Variants in RBM5 observed in about 807,000 individuals in gnomAD.
RBM5 encodes the protein RNA binding motif protein 5.
Under a neutral mutation model 124.6 loss-of-function variants are expected in RBM5, and 15 were observed. That is an observed-to-expected ratio of 0.12 (90% CI 0.08 to 0.19). RBM5 has a LOEUF of 0.19. RBM5 is among the 10% of genes least tolerant of loss of function. RBM5 has a pLI of 1.00. For synonymous variants in RBM5, 337 were observed against 361.2 expected, an observed-to-expected ratio of 0.93 and a Z score of 0.76; for missense variants, 580 against 1,026.5, an observed-to-expected ratio of 0.57 and a Z score of 5.94.
rs372469478 is a variant in RBM5, at chr3:50,100,732, A to G, written c.483+127A>G. 1.5e-6 allele frequency: 1 copy of G among 661,124 alleles called. No homozygotes were observed. 41.0% of individuals were successfully genotyped at this position (661,124 alleles called of 1,614,324 possible). ...TTTTTAAAAAAAAAGCTTTGTATAT[A>G]TTAAAATTGATGTTACTAGAATAAG... On this transcript the variant is annotated intron_variant, in intron 6 of 24. Transcript: ENST00000347869. The surrounding 1 kb of genome is among the most constrained non-coding windows in gnomAD (Gnocchi z 5.1).
chr3:50,096,709 G>A (rs1373564687), intron 4 of RBM5, among the ~76,000 whole-genome samples: 6 of 151,524 alleles, frequency 4.0e-5, no homozygotes, highest in Non-Finnish European at 8.8e-5. Context: ...ACCAGCCTCA[G>A]CCTCCCAAGT....
chr3:50,103,715 C>A (rs763343470), intron 7 of RBM5, among the ~76,000 whole-genome samples: 1 of 152,184 alleles, frequency 6.6e-6, no homozygotes, highest in Non-Finnish European at 1.5e-5. Context: ...AGGTGTGTTT[C>A]ATGTTACTGT....
In RBM5 at chr3:50,092,187, C is replaced by T. The variant is rs775270918; in HGVS notation, c.162C>T (p.Tyr54=). ...DDRRGDRYDD[Y]RDYDSPERER... is the part of the protein sequence containing the mutation. ...GGAGGGGTGATAGATATGATGACTA[C>T]CGAGACTATGACAGTCCAGAGGTGA... is the stretch of plus-strand genomic sequence containing the variant. Residue 54 remains tyrosine (Y), a synonymous_variant, in exon 3 of 25, where the codon TAC becomes TAT. Transcript: ENST00000347869. 1.2e-6 allele frequency: 2 copies of T among 1,613,378 alleles called. No homozygotes were observed. Among genetic ancestry groups the T allele is most frequent in the Non-Finnish European group, 1.7e-6 (2 of 1,179,982 alleles).
chr3:50,108,854 T>C (rs921058862), intron 14 of RBM5, among the ~76,000 whole-genome samples: 1 of 152,204 alleles, frequency 6.6e-6, no homozygotes, highest in Non-Finnish European at 1.5e-5. Flanking sequence ...TTCTTGGAAT[T>C]CAACTCTGTA....
At chr3:50,115,770 A>G (rs2091238505) in intron 21 of RBM5, 136 bp from the exon 22 acceptor site, 3 of 1,182,556 alleles carry the variant, frequency 2.5e-6, no homozygotes, top group African/African-American at 1.5e-5. Flanking sequence ...CTCCACACAC[A>G]TCAAACTATA....
Position 50,105,763 on chromosome 3 carries a change from A to G in RBM5, c.855+54A>G. The G allele has an allele frequency of 1.9e-6, 3 of 1,578,672 alleles. No individual in the cohort carries two copies. The South Asian group carries it at 3.4e-5, about 18-fold the overall frequency. ...TAAAAGAAACAGCTTTAAGAGGCAA[A>G]TGTGGTTCATCCAGTTTTGAAACTG... On this transcript the variant is annotated intron_variant, in intron 10 of 24. Transcript: ENST00000347869.
At chr3:50,105,843 G>A in intron 10 of RBM5, 134 bp downstream of exon 10, 1 of 929,778 alleles carries the variant, frequency 1.1e-6, no homozygotes, top group Non-Finnish European at 1.6e-6. Flanking sequence ...TTTTTGCACT[G>A]CTAAATTACA....
intron 14 of RBM5, among the ~76,000 whole-genome samples, 198 bp from the exon 15 acceptor site, chr3:50,109,405 C>T (rs1191991822): frequency 2.0e-5 from 3 of 152,106 alleles, no homozygotes; most frequent in African/African-American, 4.8e-5. Context: ...ATACAGAATC[C>T]TTAACTTTGT....
At chr3:50,102,835 A>C in intron 6 of RBM5, 1 of 465,736 alleles carries the variant, frequency 2.1e-6, no homozygotes, top group South Asian at 2.5e-5. Flanking sequence ...GGCCTGGTGC[A>C]AGTCAGCGTT....
At chr3:50,110,872 C>A (rs2301166) in intron 17 of RBM5, 102 bp downstream of exon 17, 9 of 906,320 alleles carry the variant, frequency 9.9e-6, no homozygotes, top group East Asian at 8.4e-5. Context: ...ATATATGACT[C>A]AGATTAGTTT....
At chr3:50,105,493 T>A in intron 9 of RBM5, 56 bp from the exon 10 acceptor site, 2 of 1,566,094 alleles carry the variant, frequency 1.3e-6, no homozygotes, top group Non-Finnish European at 1.7e-6. Context: ...TTGGAAAACT[T>A]TGGTACATTG....
At chr3:50,098,947 T>C (rs1411726359) in intron 4 of RBM5, among the ~76,000 whole-genome samples, 6 of 152,106 alleles carry the variant, frequency 3.9e-5, no homozygotes, top group Non-Finnish European at 7.4e-5. Flanking sequence ...CAAGCAAGGA[T>C]GTGTATCATA....
chr3:50,104,358 G>T, intron 8 of RBM5, 50 bp downstream of exon 8: 1 of 1,567,764 alleles, frequency 6.4e-7, no homozygotes, highest in Non-Finnish European at 8.8e-7. Context: ...CTACTAACTG[G>T]GGCAGGGAGC....
intron 2 of RBM5, 187 bp from the exon 3 acceptor site, chr3:50,091,856 C>T: frequency 6.1e-6 from 4 of 656,602 alleles, no homozygotes; most frequent in Middle Eastern, 3.9e-4. Flanking sequence ...ATTATCATTA[C>T]ATTTAGGGAT....
At chr3:50,110,274 CAG>C (rs2091119093) in intron 15 of RBM5, 103 bp from the exon 16 acceptor site, 8 of 914,762 alleles carry the variant, frequency 8.7e-6, no homozygotes, top group Non-Finnish European at 1.4e-5. Context: ...ATTATTGCTA[CAG>C]TGTGTCTGTC....
intron 2 of RBM5, among the ~76,000 whole-genome samples, chr3:50,091,232 C>T (rs1261808676): frequency 6.6e-6 from 1 of 152,122 alleles, no homozygotes; most frequent in Non-Finnish European, 1.5e-5. Flanking sequence ...TAACATTTAC[C>T]CCTTTGGGGT....
chr3:50,097,393 C>CAAA (rs35592964), intron 4 of RBM5, among the ~76,000 whole-genome samples: 37 of 114,116 alleles, frequency 3.2e-4, no homozygotes, highest in African/African-American at 5.6e-4. Context: ...AAGACTGTCT[C>CAAA]AAAAAAAAAA....
In RBM5 at chr3:50,113,232, C is replaced by T. The variant is rs572501739; in HGVS notation, c.1456-151C>T. Reference sequence around the variant, plus strand: ...CACCTCTTTGCTAGGTGGTTCATCACCTTTACTTATACCAAGGTGTGCCCA... The same window carrying T: ...CACCTCTTTGCTAGGTGGTTCATCATCTTTACTTATACCAAGGTGTGCCCA... On this transcript the variant is annotated intron_variant, in intron 17 of 24. Transcript: ENST00000347869. 103 of 675,030 alleles carry T rather than the reference C, an allele frequency of 1.5e-4. 1 individual carries two copies. The South Asian group carries it at 2.1e-3, about 14-fold the overall frequency. The allele number at this position is 675,030 out of a possible 1,614,324, so 41.8% of individuals were successfully genotyped here.
chr3:50,106,129 T>A (rs2091025200), intron 10 of RBM5, among the ~76,000 whole-genome samples: 1 of 102,848 alleles, frequency 9.7e-6, no homozygotes, highest in Admixed American at 9.4e-5. Flanking sequence ...TTTTTTTTTT[T>A]TTTTTTTTTT....
Sources: gnomAD v4.1 joint callset for allele counts (sites outside exome capture counted in the v4.1 genomes callset) on GRCh38, gnomAD v4.1.1 for gene constraint, Gnocchi (gnomAD v3.1) non-coding constraint, MANE v1.5 for transcripts, NCBI Gene and HGNC (gene_info 2026-07-23, HGNC 2026-07-21) for gene names.